The following RHOF variants were observed in gnomAD, a reference collection of about 807,000 sequenced individuals.
The protein encoded by RHOF is ras homolog family member F, filopodia associated.
RHOF carries 21 observed loss-of-function variants against 22.2 expected under a neutral mutation model. The observed-to-expected ratio is 0.95, with a 90% confidence interval of 0.67 to 1.36. The LOEUF is 1.36. RHOF is among the 40% of genes most tolerant of loss of function. RHOF has a pLI of 0.00. For synonymous variants in RHOF, 135 were observed against 131.2 expected (o/e 1.03, Z -0.20); for missense variants, 285 against 293.7 (o/e 0.97, Z 0.22).
At chr12:121,784,544 CAAAA>C (rs1184197669) in intron 2 of RHOF, among the ~76,000 whole-genome samples, 2 of 71,602 alleles carry the variant, frequency 2.8e-5, no homozygotes. Flanking sequence ...GACGTCGTCT[CAAAA>C]AAAAAAAAAA....
chr12:121,789,669 G>GCC (rs753711804), intron 2 of RHOF, among the ~76,000 whole-genome samples: 72 of 152,304 alleles, frequency 4.7e-4, no homozygotes, highest in Admixed American at 1.0e-3. Context: ...GGGCTGGGCA[G>GCC]CCCCAGCTGG....
intron 2 of RHOF, among the ~76,000 whole-genome samples, chr12:121,784,956 T>G (rs934583235): frequency 2.6e-5 from 4 of 152,190 alleles, no homozygotes; most frequent in Non-Finnish European, 5.9e-5. Flanking sequence ...ATACGCTGTT[T>G]TTTTCTATAT....
Position 121,779,112 on chromosome 12 carries a change from G to A in RHOF, c.*386C>T, listed in dbSNP as rs990257314. The A allele has an allele frequency of 5.1e-6, 1 of 197,632 alleles. No individual in the cohort carries two copies. The highest frequency in any genetic ancestry group is 2.3e-5 in the African/African-American group (1 of 43,670). The allele number at this position is 197,632 out of a possible 1,614,324, so 12.2% of individuals were successfully genotyped here. ...CCCAGGGAGGCAGGGACACAGGAGT[G>A]GCAGGCTTGGGGCGCCCGCGTGGAA... is the stretch of plus-strand genomic sequence containing the variant. On this transcript the variant is annotated 3_prime_UTR_variant, in exon 5 of 5. Transcript: ENST00000267205.
At position 121,793,672 on chromosome 12, in the gene RHOF, A is replaced by C. The variant is rs1874830719; in HGVS notation, c.-39T>G. Reference sequence around the variant, plus strand: ...CAGCACTGGCGGCGGCGCGCCGGGCACTAGCGGAGCCAAGAGGTCGGGGGC... The same window carrying C: ...CAGCACTGGCGGCGGCGCGCCGGGCCCTAGCGGAGCCAAGAGGTCGGGGGC... On this transcript the variant is annotated 5_prime_UTR_variant, in exon 1 of 5. Coordinates refer to ENST00000267205, the MANE Select transcript of RHOF (RefSeq NM_019034.3). 4.0e-6 allele frequency: 6 copies of C among 1,488,370 alleles called. No homozygotes were observed. Among genetic ancestry groups the C allele is most frequent in the Middle Eastern group, 2.4e-4 (1 of 4,182 alleles). The allele number at this position is 1,488,370 out of a possible 1,614,324, so 92.2% of individuals were successfully genotyped here. A position where few individuals can be genotyped will look rare whatever the true frequency, so the allele number is the denominator to read the frequency against.
At chr12:121,781,439 C>A in intron 2 of RHOF, 2 of 462,094 alleles carry the variant, frequency 4.3e-6, no homozygotes, top group East Asian at 4.2e-5. Flanking sequence ...CCACTGCACT[C>A]CAGCCTGGGT....
chr12:121,783,412 G>C lies in RHOF; in HGVS notation c.227-2220C>G, dbSNP rs192304360. Among the ~76,000 whole-genome samples, 78 of 148,496 alleles carry C rather than the reference G, an allele frequency of 5.3e-4. 2 individuals carry two copies. In the East Asian group the frequency reaches 0.013, roughly 25 times the overall value. On this transcript the variant is annotated intron_variant, in intron 2 of 4. Coordinates refer to ENST00000267205, the MANE Select transcript of RHOF (RefSeq NM_019034.3). Reference sequence around the variant, plus strand: ...TCTCAGCTCACTGCAACCTCTGCCTGCCGGGTTCAAGCAATTCTCCTGCCA... The same window carrying C: ...TCTCAGCTCACTGCAACCTCTGCCTCCCGGGTTCAAGCAATTCTCCTGCCA...
At chr12:121,781,285 C>T (rs1295050779) in intron 2 of RHOF, 93 bp from the exon 3 acceptor site, 9 of 1,099,946 alleles carry the variant, frequency 8.2e-6, no homozygotes, top group East Asian at 2.4e-5. Context: ...GTGACCCTGC[C>T]TTAGGGCCTC....
intron 2 of RHOF, 112 bp downstream of exon 2, chr12:121,793,040 G>T: frequency 2.1e-6 from 2 of 936,000 alleles, no homozygotes; most frequent in Non-Finnish European, 1.6e-6. Flanking sequence ...TGAAGAGCCG[G>T]CCAAGGCCCT....
rs1874339046 is a variant in RHOF, at chr12:121,778,934, A to C, written c.*564T>G. The C allele has an allele frequency of 6.5e-6, 1 of 154,780 alleles. No homozygotes were observed. Among genetic ancestry groups the C allele is most frequent in the Admixed American group, 6.3e-5 (1 of 15,942 alleles). The allele number at this position is 154,780 out of a possible 1,614,324, so 9.6% of individuals were successfully genotyped here. A position where few individuals can be genotyped will look rare whatever the true frequency, so the allele number is the denominator to read the frequency against. ...CTCTGCAAAGACAGTGGCCAAGTTG[A>C]AGACAAGTCTTCCATGTGGGGTGGA... On this transcript the variant is annotated 3_prime_UTR_variant, in exon 5 of 5. Coordinates refer to ENST00000267205, the MANE Select transcript of RHOF (RefSeq NM_019034.3).
At position 121,780,916 on chromosome 12, in the gene RHOF, G is replaced by A. The variant is rs750313311; in HGVS notation, c.427C>T (p.Arg143Trp). Residue 143 changes from arginine to tryptophan, a missense_variant, in exon 4 of 5, where the codon CGG becomes TGG. Physicochemically the swap from Arg to Trp is moderately radical, Grantham distance 101. Transcript: ENST00000267205. ...TDLRKDKEQL[R>W]KLRAAQLEPI... is the part of the protein sequence containing the mutation. ...TCCAGCTGGGCGGCCCGGAGCTTCC[G>A]CAGCTGCTCCTTGTCCTTCCTCAGG... 18 of 1,613,912 alleles carry A rather than the reference G, an allele frequency of 1.1e-5. No homozygotes were observed. The highest frequency in any genetic ancestry group is 1.4e-5 in the Non-Finnish European group (17 of 1,179,946).
chr12:121,790,766 C>A (rs1874743625), intron 2 of RHOF, among the ~76,000 whole-genome samples: 1 of 152,218 alleles, frequency 6.6e-6, no homozygotes, highest in African/African-American at 2.4e-5. Context: ...ATAGATCTCC[C>A]CGCTGCAGCA....
In RHOF at chr12:121,779,221, T is replaced by C. The variant is rs1228351560; in HGVS notation, c.*277A>G. On this transcript the variant is annotated 3_prime_UTR_variant, in exon 5 of 5. Coordinates refer to ENST00000267205, the MANE Select transcript of RHOF (RefSeq NM_019034.3). ...TGAGTCTGCACTGGGGAGACACTCG[T>C]GGTGGGGGTGGCTGTGATGAGGGCA... The C allele has an allele frequency of 4.0e-6, 2 of 497,138 alleles. No individual in the cohort carries two copies. Among genetic ancestry groups the C allele is most frequent in the East Asian group, 6.7e-5 (2 of 29,688 alleles). 30.8% of individuals were successfully genotyped at this position (497,138 alleles called of 1,614,324 possible).
chr12:121,781,166 G>A lies in RHOF; in HGVS notation c.253C>T (p.Pro85Ser). Residue 85 changes from proline to serine, a missense_variant, in exon 3 of 5, where the codon CCC (proline) becomes TCC (serine). Pro to Ser is a moderately conservative substitution (Grantham distance 74). Coordinates refer to ENST00000267205, the MANE Select transcript of RHOF (RefSeq NM_019034.3). Reference protein sequence around the residue: ...AGQEDYDRLRPLSYQNTHLVL... With the variant: ...AGQEDYDRLRSLSYQNTHLVL... ...AGGTGGGTGTTCTGGTAGGACAGGG[G>A]CCGCAGCCGGTCATAGTCTTCTTGC... The A allele has an allele frequency of 6.2e-7, 1 of 1,614,226 alleles. No homozygotes were observed. Among genetic ancestry groups the A allele is most frequent in the Non-Finnish European group, 8.5e-7 (1 of 1,180,042 alleles).
intron 2 of RHOF, chr12:121,782,734 C>T (rs1196326248): frequency 6.6e-6 from 1 of 152,352 alleles, no homozygotes; most frequent in Non-Finnish European, 1.5e-5. Context: ...CCCCATGGAA[C>T]AGTGCTTAAG....
rs1454614873 is a variant in RHOF, at chr12:121,779,417, G to C, written c.*81C>G. On this transcript the variant is annotated 3_prime_UTR_variant, in exon 5 of 5. Transcript: ENST00000267205. ...CAGACACCATGAGCTGGAGGGTCGGGATGGGGCAGCCTCCCTGGTGCAATC... is the reference window on the plus strand; with the variant it reads ...CAGACACCATGAGCTGGAGGGTCGGCATGGGGCAGCCTCCCTGGTGCAATC... 2 of 1,485,876 alleles carry C rather than the reference G, an allele frequency of 1.3e-6. No homozygotes were observed. Among genetic ancestry groups the C allele is most frequent in the Non-Finnish European group, 1.8e-6 (2 of 1,090,928 alleles). The allele number at this position is 1,485,876 out of a possible 1,614,324, so 92.0% of individuals were successfully genotyped here.
chr12:121,789,246 C>CA (rs5801463), intron 2 of RHOF, among the ~76,000 whole-genome samples: 109,675 of 150,702 alleles, frequency 0.73, 41,137 homozygotes, highest in East Asian at 0.9. Context: ...TTCCCCACCT[C>CA]AAAAAAAAAC....
Position 121,779,674 on chromosome 12 carries a change from G to A in RHOF, c.472-12C>T, listed in dbSNP as rs752712224. ...CAGGCGCTCAGGCCCTGGGTGGGGG[G>A]AGGAGCCAGCATTAGGTGAGGGGCC... On this transcript the variant is annotated splice_polypyrimidine_tract_variant and intron_variant, in intron 4 of 4. Coordinates refer to ENST00000267205, the MANE Select transcript of RHOF (RefSeq NM_019034.3). The A allele has an allele frequency of 1.2e-6, 2 of 1,613,434 alleles. No individual in the cohort carries two copies. Among genetic ancestry groups the A allele is most frequent in the Non-Finnish European group, 1.7e-6 (2 of 1,179,712 alleles).
Position 121,779,498 on chromosome 12 carries a change from TCAGAGCAGCAGG to T in RHOF, c.624_635del (p.Cys208_Leu211del). ...TGTCGTGAGGTCTGTCTGCCCTGGG[TCAGAGCAGCAGG>T]CAGAGCCGGCGCTTCTTCTGCCGTT... is the stretch of plus-strand genomic sequence containing the variant. On this transcript the variant is annotated inframe_deletion, in exon 5 of 5. Transcript: ENST00000267205. 3 of 1,611,224 alleles carry T rather than the reference TCAGAGCAGCAGG, an allele frequency of 1.9e-6. No homozygotes were observed. The highest frequency in any genetic ancestry group is 2.5e-6 in the Non-Finnish European group (3 of 1,179,972).
intron 2 of RHOF, among the ~76,000 whole-genome samples, chr12:121,783,282 T>C (rs1358120071): frequency 2.1e-5 from 3 of 142,622 alleles, no homozygotes; most frequent in African/African-American, 5.4e-5. Context: ...TGGCCCCCTC[T>C]CCACAACTGA....
Sources: gnomAD v4.1 joint callset for allele counts (sites outside exome capture counted in the v4.1 genomes callset) on GRCh38, gnomAD v4.1.1 for gene constraint, MANE v1.5 for transcripts, NCBI Gene and HGNC (gene_info 2026-07-23, HGNC 2026-07-21) for gene names.